The following FAM135B variants were observed in gnomAD, a reference collection of about 807,000 sequenced individuals.
FAM135B encodes family with sequence similarity 135 member B, also known as protein FAM135B.
Under a neutral mutation model 127.7 loss-of-function variants are expected in FAM135B, and 43 were observed. That is an observed-to-expected ratio of 0.34 (90% CI 0.26 to 0.43). The LOEUF (loss-of-function observed/expected upper bound fraction) is 0.43, where lower values mean the gene tolerates loss of function less well. Among genes scored for constraint, FAM135B ranks in the 20% least tolerant of loss-of-function variants. The pLI, the probability that FAM135B is intolerant of heterozygous loss-of-function variation, is 1.00. For missense variants in FAM135B, 1,558 were observed against 1,725.6 expected (o/e 0.90, Z 1.72); for synonymous variants, 670 against 665.1 (o/e 1.01, Z -0.11).
At chr8:138,219,453 A>G (rs2130008703) in intron 7 of FAM135B, among the ~76,000 whole-genome samples, 1 of 152,324 alleles carries the variant, frequency 6.6e-6, no homozygotes, top group South Asian at 2.1e-4. Context: ...GAAGTCCACC[A>G]GGTACCAATA....
intron 3 of FAM135B, among the ~76,000 whole-genome samples, chr8:138,290,720 G>C (rs1433413715): frequency 6.6e-6 from 1 of 152,036 alleles, no homozygotes; most frequent in East Asian, 1.9e-4. Context: ...TTAGTGCAGG[G>C]ATTTGGTTGC....
At chr8:138,259,333 A>G (rs1021397513) in intron 4 of FAM135B, among the ~76,000 whole-genome samples, 1 of 152,218 alleles carries the variant, frequency 6.6e-6, no homozygotes, top group Non-Finnish European at 1.5e-5. Context: ...AAACCCAGAT[A>G]CACGTGTACG....
intron 12 of FAM135B, among the ~76,000 whole-genome samples, chr8:138,160,700 G>C (rs1242282376): frequency 1.3e-5 from 2 of 151,982 alleles, no homozygotes; most frequent in Non-Finnish European, 2.9e-5. Flanking sequence ...ACCCAGCCTG[G>C]TGTCTGATAT....
intron 3 of FAM135B, among the ~76,000 whole-genome samples, chr8:138,299,607 A>ACACACC (rs1554658768): frequency 2.0e-5 from 3 of 152,068 alleles, no homozygotes; most frequent in South Asian, 4.2e-4. Context: ...ACACACACAC[A>ACACACC]CCCACGATCC....
intron 19 of FAM135B, among the ~76,000 whole-genome samples, chr8:138,135,254 A>C (rs1462967099): frequency 6.6e-6 from 1 of 152,176 alleles, no homozygotes; most frequent in Non-Finnish European, 1.5e-5. Flanking sequence ...TCTCTATGTC[A>C]GGGAGACAAG....
chr8:138,256,559 T>C, intron 5 of FAM135B, 130 bp downstream of exon 5: 1 of 738,804 alleles, frequency 1.4e-6, no homozygotes, highest in East Asian at 2.7e-5. Flanking sequence ...GTCAGGGACA[T>C]TGCAGCTTAT....
At chr8:138,348,384 C>T (rs953280029) in intron 2 of FAM135B, among the ~76,000 whole-genome samples, 11 of 152,142 alleles carry the variant, frequency 7.2e-5, no homozygotes, top group Admixed American at 4.6e-4. Flanking sequence ...ATCCGCCCAC[C>T]TCGGCCTCCC....
chr8:138,422,654 G>C (rs1834581092), intron 1 of FAM135B, among the ~76,000 whole-genome samples: 1 of 152,040 alleles, frequency 6.6e-6, no homozygotes, highest in South Asian at 2.1e-4. Flanking sequence ...GGTAATATAA[G>C]TTAGTTCAGC....
intron 2 of FAM135B, among the ~76,000 whole-genome samples, chr8:138,366,326 C>G (rs1199240831): frequency 6.7e-6 from 1 of 149,484 alleles, no homozygotes; most frequent in Non-Finnish European, 1.5e-5. Flanking sequence ...AAACGTGAAC[C>G]TGAAAAGCAG....
At chr8:138,318,820 T>C (rs1457559511) in intron 2 of FAM135B, among the ~76,000 whole-genome samples, 1 of 152,208 alleles carries the variant, frequency 6.6e-6, no homozygotes. Context: ...AAAGTTTACA[T>C]TTCAATTAGG....
intron 3 of FAM135B, among the ~76,000 whole-genome samples, chr8:138,299,060 A>AAAATAAAT (rs372645406): frequency 0.02 from 2,719 of 136,114 alleles, 31 homozygotes; most frequent in African/African-American, 0.025. Context: ...ATTCAGTCTC[A>AAAATAAAT]AAATAAATAA....
intron 2 of FAM135B, among the ~76,000 whole-genome samples, chr8:138,345,566 C>T (rs534263526): frequency 1.3e-3 from 200 of 151,620 alleles, no homozygotes; most frequent in African/African-American, 4.7e-3. Flanking sequence ...GGTACCCCAA[C>T]CCATTTGTTC....
chr8:138,292,442 C>A (rs1476738178), intron 3 of FAM135B, among the ~76,000 whole-genome samples: 2 of 151,924 alleles, frequency 1.3e-5, no homozygotes, highest in Non-Finnish European at 2.9e-5. Flanking sequence ...CCACAAAAGA[C>A]CTCAAATAGC....
At chr8:138,273,578 T>C (rs2130693402) in intron 3 of FAM135B, among the ~76,000 whole-genome samples, 1 of 152,326 alleles carries the variant, frequency 6.6e-6, no homozygotes, top group South Asian at 2.1e-4. Context: ...ACTGCCTGAA[T>C]GGAGCATGGA....
chr8:138,141,060 C>T lies in FAM135B; in HGVS notation c.3790+138G>A, dbSNP rs1252119859. 5.2e-6 allele frequency: 4 copies of T among 775,686 alleles called. No individual in the cohort carries two copies. The East Asian group carries it at 1.1e-4, about 21-fold the overall frequency. The allele number at this position is 775,686 out of a possible 1,614,324, so 48.1% of individuals were successfully genotyped here. ...GACACAAGGGCCACACCTCTAAGGC[C>T]AGGACTCCTCCCTCCATGCCATGCT... On this transcript the variant is annotated intron_variant, in intron 17 of 19. Transcript: ENST00000395297. This position sits in a 1 kb window ranked among gnomAD's most constrained non-coding sequence, Gnocchi z 4.7.
chr8:138,398,020 G>A (rs1366328793), intron 1 of FAM135B, among the ~76,000 whole-genome samples: 1 of 152,188 alleles, frequency 6.6e-6, no homozygotes, highest in Non-Finnish European at 1.5e-5. Flanking sequence ...GGCAGCGGGA[G>A]CTCTCCTGGA....
intron 1 of FAM135B, among the ~76,000 whole-genome samples, chr8:138,371,686 A>T (rs1212796952): frequency 6.6e-6 from 1 of 152,186 alleles, no homozygotes; most frequent in Non-Finnish European, 1.5e-5. Context: ...ACGAAACATC[A>T]GAAAAACCAG....
intron 1 of FAM135B, among the ~76,000 whole-genome samples, chr8:138,478,801 T>G (rs748880405): frequency 6.6e-6 from 1 of 152,164 alleles, no homozygotes; most frequent in Non-Finnish European, 1.5e-5. Flanking sequence ...AAACAAACCA[T>G]TTTTCAATAC....
intron 1 of FAM135B, among the ~76,000 whole-genome samples, chr8:138,381,004 T>C (rs1419514400): frequency 1.3e-5 from 2 of 151,900 alleles, no homozygotes; most frequent in Admixed American, 6.6e-5. Flanking sequence ...AACAGAACAT[T>C]TGCATGGTTT....
Sources: allele counts gnomAD v4.1 joint callset (sites outside exome capture counted in the v4.1 genomes callset), GRCh38; gene constraint gnomAD v4.1.1; non-coding constraint Gnocchi (gnomAD v3.1); transcripts MANE v1.5; gene names NCBI Gene and HGNC (gene_info 2026-07-23, HGNC 2026-07-21).